The following CHP1 variants were observed in gnomAD, a reference collection of about 807,000 sequenced individuals.
The protein encoded by CHP1 is calcineurin B homologous protein 1.
In CHP1, 11 loss-of-function variants were observed where a neutral mutation model predicts 27.4. The ratio of observed to expected loss-of-function variants is 0.40; its 90% CI spans 0.25 to 0.67. CHP1 has a LOEUF of 0.67. Ranked by LOEUF, CHP1 falls within the 30% of genes least tolerant of loss-of-function variation. CHP1 has a pLI of 0.38. For missense variants in CHP1, 169 were observed against 251.3 expected (o/e 0.67, Z 2.22); for synonymous variants, 89 against 87.4 (o/e 1.02, Z -0.10).
At chr15:41,233,503 G>A (rs1193804376) in intron 1 of CHP1, among the ~76,000 whole-genome samples, 1 of 152,182 alleles carries the variant, frequency 6.6e-6, no homozygotes, top group Non-Finnish European at 1.5e-5. Flanking sequence ...AGTCACTTGT[G>A]AGGGAGATTC....
chr15:41,249,941 C>G (rs1756103985), intron 2 of CHP1, among the ~76,000 whole-genome samples: 1 of 151,428 alleles, frequency 6.6e-6, no homozygotes, highest in Non-Finnish European at 1.5e-5. Context: ...ATTCTGCATT[C>G]CTTTGTAGTG....
intron 3 of CHP1, among the ~76,000 whole-genome samples, chr15:41,260,550 A>G (rs1337667722): frequency 6.6e-6 from 1 of 151,910 alleles, no homozygotes; most frequent in East Asian, 1.9e-4. Context: ...ATGCACCACC[A>G]GGCCCAGCTA....
chr15:41,240,481 C>T (rs1227213387), intron 1 of CHP1, among the ~76,000 whole-genome samples: 5 of 152,078 alleles, frequency 3.3e-5, no homozygotes, highest in African/African-American at 9.7e-5. Context: ...GAGCTGGGCG[C>T]GGTGGCTCAT....
chr15:41,241,455 A>T (rs1250332570), intron 1 of CHP1, among the ~76,000 whole-genome samples: 1 of 152,198 alleles, frequency 6.6e-6, no homozygotes, highest in Non-Finnish European at 1.5e-5. Context: ...CTACAATCCC[A>T]TTCACTTACC....
chr15:41,266,873 A>G (rs1034864088), intron 4 of CHP1, among the ~76,000 whole-genome samples: 1 of 151,712 alleles, frequency 6.6e-6, no homozygotes, highest in Admixed American at 6.6e-5. Context: ...GGTGGTGGAT[A>G]CCTGTAATCC....
At chr15:41,256,560 G>A (rs1342521313) in intron 2 of CHP1, 3 of 261,104 alleles carry the variant, frequency 1.1e-5, no homozygotes, top group Non-Finnish European at 1.5e-5. Flanking sequence ...TCCATTTGCT[G>A]TTCACTTTCC....
At chr15:41,237,504 T>A (rs1266205157) in intron 1 of CHP1, among the ~76,000 whole-genome samples, 1 of 152,180 alleles carries the variant, frequency 6.6e-6, no homozygotes, top group East Asian at 1.9e-4. Context: ...ATTTTGTTTG[T>A]TTTATATAAT....
At chr15:41,242,629 A>C (rs1011405091) in intron 1 of CHP1, among the ~76,000 whole-genome samples, 1 of 150,628 alleles carries the variant, frequency 6.6e-6, no homozygotes, top group Non-Finnish European at 1.5e-5. Flanking sequence ...CCCAAAAATA[A>C]AATAAAATAA....
chr15:41,232,507 T>A (rs2047255619), intron 1 of CHP1, among the ~76,000 whole-genome samples: 1 of 150,258 alleles, frequency 6.7e-6, no homozygotes, highest in South Asian at 2.2e-4. Context: ...CACCGTGCCC[T>A]GCAGAACTGA....
At chr15:41,246,882 C>T (rs2047337712) in intron 2 of CHP1, among the ~76,000 whole-genome samples, 1 of 150,510 alleles carries the variant, frequency 6.6e-6, no homozygotes, top group Non-Finnish European at 1.5e-5. Flanking sequence ...AGCTAGACTC[C>T]ATCTCAAAAA....
At chr15:41,252,974 CTG>C (rs1231424776) in intron 2 of CHP1, among the ~76,000 whole-genome samples, 1 of 107,250 alleles carries the variant, frequency 9.3e-6, no homozygotes, top group Non-Finnish European at 1.7e-5. Context: ...GAGTCTCACT[CTG>C]TCACCAGGCT....
rs769630200 is a variant in CHP1 at position 41,279,393 on chromosome 15, A to G, written c.*4A>G. The G allele has an allele frequency of 6.2e-7, 1 of 1,612,210 alleles. No homozygotes were observed. Among genetic ancestry groups the G allele is most frequent in the East Asian group, 2.2e-5 (1 of 44,878 alleles). ...GAGCATCCGATTTCTTCACTAAAGG[A>G]GACCAAACTGTTCCTTGCGGTCTAG... On this transcript the variant is annotated 3_prime_UTR_variant, in exon 7 of 7. Transcript: ENST00000334660.
Position 41,256,996 on chromosome 15 carries a change from T to G in CHP1, c.221+6T>G, listed in dbSNP as rs1567008029. Reference sequence around the variant, plus strand: ...AATGCCTTCTTTCCAGAGGGGTGAGTCAGTACAGTTGTTGGACTTCCTTCC... The same window carrying G: ...AATGCCTTCTTTCCAGAGGGGTGAGGCAGTACAGTTGTTGGACTTCCTTCC... On this transcript the variant is annotated splice_donor_region_variant and intron_variant, in intron 3 of 6. Transcript: ENST00000334660. The G allele has an allele frequency of 1.2e-6, 2 of 1,610,752 alleles. No homozygotes were observed. The highest frequency in any genetic ancestry group is 1.7e-6 in the Non-Finnish European group (2 of 1,177,112).
intron 1 of CHP1, among the ~76,000 whole-genome samples, chr15:41,237,602 G>A (rs1408975452): frequency 6.6e-6 from 1 of 152,156 alleles, no homozygotes; most frequent in African/African-American, 2.4e-5. Context: ...AGTCTATTCC[G>A]GGAAGCGCAG....
In CHP1 at chr15:41,256,999, G is replaced by A; in HGVS notation, c.221+9G>A. 6.2e-7 allele frequency: 1 copy of A among 1,608,580 alleles called. No individual in the cohort carries two copies. The highest frequency in any genetic ancestry group is 1.1e-5 in the South Asian group (1 of 90,840). On this transcript the variant is annotated intron_variant, in intron 3 of 6. Coordinates refer to ENST00000334660, the MANE Select transcript of CHP1 (RefSeq NM_007236.5). ...GCCTTCTTTCCAGAGGGGTGAGTCA[G>A]TACAGTTGTTGGACTTCCTTCCTGA...
rs1464473492 is a variant in CHP1, at chr15:41,280,642, G to C, written c.*1253G>C. 1.3e-5 allele frequency: 2 copies of C among 149,380 alleles called. No homozygotes were observed. Among genetic ancestry groups the C allele is most frequent in the East Asian group, 4.0e-4 (2 of 4,976 alleles). The allele number at this position is 149,380 out of a possible 1,614,324, so 9.3% of individuals were successfully genotyped here. Reference sequence around the variant, plus strand: ...TTCTCCTGCCTCAGCCTCCCAAGTAGCTGGGATTACAGGTGTGCACCACCA... The same window carrying C: ...TTCTCCTGCCTCAGCCTCCCAAGTACCTGGGATTACAGGTGTGCACCACCA... On this transcript the variant is annotated 3_prime_UTR_variant, in exon 7 of 7. Coordinates refer to ENST00000334660, the MANE Select transcript of CHP1 (RefSeq NM_007236.5).
intron 1 of CHP1, among the ~76,000 whole-genome samples, chr15:41,235,770 A>G (rs555109951): frequency 6.6e-6 from 1 of 152,310 alleles, no homozygotes; most frequent in Non-Finnish European, 1.5e-5. Flanking sequence ...CTTGAGAACA[A>G]TATCATGGCT....
intron 2 of CHP1, among the ~76,000 whole-genome samples, chr15:41,244,728 A>T (rs1461739849): frequency 6.6e-6 from 1 of 152,184 alleles, no homozygotes; most frequent in Non-Finnish European, 1.5e-5. Flanking sequence ...AGGTAAGTAT[A>T]TGATATCAGA....
At chr15:41,239,114 C>CCTAATTT (rs2047293125) in intron 1 of CHP1, among the ~76,000 whole-genome samples, 2 of 152,132 alleles carry the variant, frequency 1.3e-5, no homozygotes, top group Admixed American at 6.6e-5. Flanking sequence ...TTCTTTGTCA[C>CCTAATTT]AGTGAATTTA....
Sources: gnomAD v4.1 joint callset for allele counts (sites outside exome capture counted in the v4.1 genomes callset) on GRCh38, gnomAD v4.1.1 for gene constraint, MANE v1.5 for transcripts, NCBI Gene and HGNC (gene_info 2026-07-23, HGNC 2026-07-21) for gene names.